The following SGCZ variants were observed in gnomAD, a reference collection of about 807,000 sequenced individuals.
SGCZ encodes zeta-sarcoglycan.
A neutral mutation model predicts 41.3 loss-of-function variants in SGCZ; 40 were observed. The ratio of observed to expected loss-of-function variants is 0.97; its 90% CI spans 0.75 to 1.26. The LOEUF is 1.26. Among genes scored for constraint, SGCZ ranks in the 50% most tolerant of loss-of-function variants. The pLI is 0.00. For missense variants in SGCZ, 552 were observed against 369.8 expected (o/e 1.49, Z -4.04); for synonymous variants, 206 against 137.5 (o/e 1.50, Z -3.49).
intron 1 of SGCZ, among the ~76,000 whole-genome samples, chr8:15,074,597 C>G (rs1003429919): frequency 6.6e-6 from 1 of 152,014 alleles, no homozygotes; most frequent in Non-Finnish European, 1.5e-5. Context: ...TTGTTTTATA[C>G]CTCCTTGCTT....
chr8:15,191,233 A>G (rs1203042946), intron 1 of SGCZ, among the ~76,000 whole-genome samples: 5 of 152,112 alleles, frequency 3.3e-5, no homozygotes, highest in Admixed American at 3.3e-4. Context: ...TTAATTACAT[A>G]TATTGTTCAA....
At chr8:14,217,817 G>A (rs1312120718) in intron 4 of SGCZ, among the ~76,000 whole-genome samples, 1 of 151,692 alleles carries the variant, frequency 6.6e-6, no homozygotes, top group African/African-American at 2.4e-5. Context: ...TTTTGGTAGA[G>A]ACAAGGTTTC....
intron 1 of SGCZ, among the ~76,000 whole-genome samples, chr8:15,012,975 G>C (rs985730796): frequency 2.0e-5 from 3 of 151,772 alleles, no homozygotes; most frequent in African/African-American, 7.3e-5. Flanking sequence ...CTTGCTCTTA[G>C]GTTTATATTT....
chr8:14,540,712 T>A (rs750482419), intron 2 of SGCZ, among the ~76,000 whole-genome samples: 7 of 151,906 alleles, frequency 4.6e-5, no homozygotes, highest in Non-Finnish European at 1.0e-4. Context: ...GATTTTATAT[T>A]GAGGATAGTA....
intron 1 of SGCZ, among the ~76,000 whole-genome samples, chr8:15,040,473 C>T (rs372956681): frequency 6.6e-6 from 1 of 151,856 alleles, no homozygotes; most frequent in Non-Finnish European, 1.5e-5. Context: ...AAAAATTAGC[C>T]GGGAGTGGTG....
intron 5 of SGCZ, chr8:14,162,703 C>G (rs1804083838): frequency 6.6e-6 from 1 of 152,130 alleles, no homozygotes; most frequent in African/African-American, 2.4e-5. Flanking sequence ...TAAACACTCA[C>G]CCAATGGTGG....
At chr8:14,874,273 C>T (rs942881454) in intron 1 of SGCZ, among the ~76,000 whole-genome samples, 6 of 152,214 alleles carry the variant, frequency 3.9e-5, no homozygotes, top group African/African-American at 1.4e-4. Context: ...GACTGATCTG[C>T]TGTACTGTTT....
intron 1 of SGCZ, among the ~76,000 whole-genome samples, chr8:15,140,829 T>C (rs896526673): frequency 1.3e-5 from 2 of 152,210 alleles, no homozygotes; most frequent in African/African-American, 2.4e-5. Context: ...TATCTTCTCA[T>C]GAGAACCTCA....
chr8:14,370,653 A>G (rs1175178044), intron 2 of SGCZ, among the ~76,000 whole-genome samples: 1 of 151,932 alleles, frequency 6.6e-6, no homozygotes, highest in African/African-American at 2.4e-5. Context: ...TTTAATATTT[A>G]TGTGGTTAAT....
At chr8:14,621,173 C>G (rs1235129046) in intron 1 of SGCZ, among the ~76,000 whole-genome samples, 2 of 150,612 alleles carry the variant, frequency 1.3e-5, no homozygotes, top group Non-Finnish European at 2.9e-5. Context: ...TCATTCTCAG[C>G]AAACTATCAC....
chr8:14,747,711 G>A (rs1437848035), intron 1 of SGCZ, among the ~76,000 whole-genome samples: 1 of 141,464 alleles, frequency 7.1e-6, no homozygotes, highest in Non-Finnish European at 1.5e-5. Flanking sequence ...GTATTTGTGT[G>A]TGTGTGTGTG....
chr8:15,129,706 G>GTAAAA (rs779733867), intron 1 of SGCZ, among the ~76,000 whole-genome samples: 1 of 13,422 alleles, frequency 7.5e-5, no homozygotes, highest in Non-Finnish European at 2.3e-4. Context: ...AGAAGCATTT[G>GTAAAA]CAAAAAAAAA....
chr8:14,763,851 T>C (rs190624871), intron 1 of SGCZ, among the ~76,000 whole-genome samples: 17 of 152,200 alleles, frequency 1.1e-4, no homozygotes, highest in Non-Finnish European at 2.1e-4. Context: ...AGGACACAGA[T>C]AGTTAGGAAC....
intron 4 of SGCZ, among the ~76,000 whole-genome samples, chr8:14,184,713 T>C (rs1043090638): frequency 2.0e-5 from 3 of 152,202 alleles, no homozygotes; most frequent in Non-Finnish European, 4.4e-5. Context: ...ATTTTCCAAA[T>C]AAAGGAAAGC....
intron 1 of SGCZ, among the ~76,000 whole-genome samples, chr8:14,786,040 A>T (rs551939102): frequency 2.6e-3 from 338 of 131,386 alleles, no homozygotes; most frequent in Non-Finnish European, 4.3e-3. Context: ...CTTTATTTTT[A>T]AGACTTTATT....
At chr8:14,392,978 T>C (rs903689448) in intron 2 of SGCZ, among the ~76,000 whole-genome samples, 2 of 152,202 alleles carry the variant, frequency 1.3e-5, no homozygotes, top group African/African-American at 4.8e-5. Flanking sequence ...TTAATTTTTA[T>C]AATTTTCAGG....
intron 1 of SGCZ, among the ~76,000 whole-genome samples, chr8:15,149,202 C>G (rs1799113735): frequency 6.6e-6 from 1 of 152,020 alleles, no homozygotes; most frequent in Non-Finnish European, 1.5e-5. Flanking sequence ...GACTAAATGA[C>G]TATCCTTCAA....
At chr8:15,215,072 C>T (rs1427104246) in intron 1 of SGCZ, among the ~76,000 whole-genome samples, 1 of 152,120 alleles carries the variant, frequency 6.6e-6, no homozygotes, top group Non-Finnish European at 1.5e-5. Flanking sequence ...AAACAACTCC[C>T]TCTTTTCAAC....
chr8:15,083,254 GT>G (rs1408372362), intron 1 of SGCZ, among the ~76,000 whole-genome samples: 1 of 152,076 alleles, frequency 6.6e-6, no homozygotes, highest in African/African-American at 2.4e-5. Flanking sequence ...AATTTCCCAT[GT>G]TTTTAATAAA....
Sources: allele counts gnomAD v4.1 joint callset (sites outside exome capture counted in the v4.1 genomes callset), GRCh38; gene constraint gnomAD v4.1.1; transcripts MANE v1.5; gene names NCBI Gene and HGNC (gene_info 2026-07-23, HGNC 2026-07-21).